ESRP1: variants seen among roughly 807,000 people sequenced by gnomAD.
The protein encoded by ESRP1 is epithelial splicing regulatory protein 1.
ESRP1 carries 33 observed loss-of-function variants against 81.7 expected under a neutral mutation model. That is an observed-to-expected ratio of 0.40 (90% CI 0.31 to 0.54). ESRP1 has a LOEUF of 0.54. Ranked by LOEUF, ESRP1 falls within the 20% of genes least tolerant of loss-of-function variation. The pLI is 0.41. For synonymous variants in ESRP1, 320 were observed against 303.3 expected (o/e 1.06, Z -0.57); for missense variants, 672 against 833.1 (o/e 0.81, Z 2.38).
intron 15 of ESRP1, among the ~76,000 whole-genome samples, chr8:94,703,659 C>T (rs1039472574): frequency 3.3e-5 from 5 of 152,086 alleles, no homozygotes; most frequent in Admixed American, 6.6e-5. Context: ...CTGACAGTCC[C>T]AGGGTTGACT....
chr8:94,703,057 T>C (rs151096151), intron 15 of ESRP1, among the ~76,000 whole-genome samples: 1 of 152,130 alleles, frequency 6.6e-6, no homozygotes, highest in African/African-American at 2.4e-5. Flanking sequence ...TCAACTTTGT[T>C]TGCTATAGCT....
intron 4 of ESRP1, among the ~76,000 whole-genome samples, chr8:94,648,616 T>G (rs1209087759): frequency 6.6e-6 from 1 of 152,230 alleles, no homozygotes; most frequent in Non-Finnish European, 1.5e-5. Context: ...CTGTAGTCAT[T>G]AAACATTCTT....
At chr8:94,671,028 A>C (rs1221336694) in intron 10 of ESRP1, among the ~76,000 whole-genome samples, 1 of 152,188 alleles carries the variant, frequency 6.6e-6, no homozygotes, top group Non-Finnish European at 1.5e-5. Flanking sequence ...CTGTGTACTT[A>C]GTGAAATGAT....
chr8:94,702,830 G>A (rs1809891968), intron 15 of ESRP1, among the ~76,000 whole-genome samples: 1 of 152,116 alleles, frequency 6.6e-6, no homozygotes, highest in Non-Finnish European at 1.5e-5. Context: ...GAGATTATAG[G>A]TGTTCTCCAC....
At chr8:94,682,538 T>C (rs1808931039) in intron 13 of ESRP1, among the ~76,000 whole-genome samples, 1 of 151,798 alleles carries the variant, frequency 6.6e-6, no homozygotes, top group Admixed American at 6.6e-5. Context: ...GGCTAATTTT[T>C]TGACTTTTTG....
chr8:94,656,705 A>C (rs182421299), intron 4 of ESRP1, among the ~76,000 whole-genome samples: 1 of 152,378 alleles, frequency 6.6e-6, no homozygotes, highest in East Asian at 1.9e-4. Flanking sequence ...ACAATAAATG[A>C]AAGTAAACAA....
chr8:94,643,225 T>A (rs1157453715), intron 2 of ESRP1, 78 bp from the exon 3 acceptor site: 1 of 990,688 alleles, frequency 1.0e-6, no homozygotes, highest in African/African-American at 1.6e-5. Flanking sequence ...TTTCTCTGGC[T>A]ATCACCAAGG....
chr8:94,674,509 A>C lies in ESRP1; in HGVS notation c.1651+3A>C. The C allele has an allele frequency of 6.2e-7, 1 of 1,611,246 alleles. No individual in the cohort carries two copies. Among genetic ancestry groups the C allele is most frequent in the Non-Finnish European group, 8.5e-7 (1 of 1,178,700 alleles). On this transcript the variant is annotated splice_donor_region_variant and intron_variant, in intron 12 of 15. Coordinates refer to ENST00000433389, the MANE Select transcript of ESRP1 (RefSeq NM_017697.4). ...CCCACCGCCATGTAAGTTACCATGT[A>C]AGTTTTTCTTGGGTCTTGGCGCTAT...
chr8:94,680,589 G>A (rs1417915264), intron 13 of ESRP1, among the ~76,000 whole-genome samples: 2 of 152,066 alleles, frequency 1.3e-5, no homozygotes, highest in Non-Finnish European at 2.9e-5. Flanking sequence ...CACCATGCCC[G>A]GCTAATTTTA....
At chr8:94,674,265 G>A (rs374143258) in intron 11 of ESRP1, 43 bp from the exon 12 acceptor site, 1 of 1,580,382 alleles carries the variant, frequency 6.3e-7, no homozygotes, top group Admixed American at 1.9e-5. Context: ...CTTGTTGAAG[G>A]AGACAGTCTC....
intron 4 of ESRP1, among the ~76,000 whole-genome samples, chr8:94,652,476 G>C (rs1300188710): frequency 6.9e-6 from 1 of 144,508 alleles, no homozygotes; most frequent in African/African-American, 2.7e-5. Context: ...GGGGGCTTCT[G>C]TGGTTTTTTT....
chr8:94,681,469 C>A (rs560980071), intron 13 of ESRP1, among the ~76,000 whole-genome samples: 3 of 151,042 alleles, frequency 2.0e-5, no homozygotes, highest in Non-Finnish European at 4.4e-5. Flanking sequence ...GAAACTCCAT[C>A]TACTAAAAAA....
At chr8:94,678,903 G>C (rs1483945501) in intron 13 of ESRP1, among the ~76,000 whole-genome samples, 1 of 152,124 alleles carries the variant, frequency 6.6e-6, no homozygotes, top group Non-Finnish European at 1.5e-5. Flanking sequence ...TTTTAGTTGT[G>C]TTCAATTTCT....
At chr8:94,697,664 A>G (rs982783486) in intron 15 of ESRP1, among the ~76,000 whole-genome samples, 1 of 152,246 alleles carries the variant, frequency 6.6e-6, no homozygotes, top group African/African-American at 2.4e-5. Context: ...GCACTCATGT[A>G]TAATTATTTG....
At position 94,678,340 on chromosome 8, in the gene ESRP1, C is replaced by T; in HGVS notation, c.1789C>T (p.Leu597Phe). The change falls in exon 13 of 16, where the codon CTC becomes TTC. Residue 597 changes from leucine to phenylalanine, a missense_variant. Leu to Phe is a conservative substitution (Grantham distance 22, BLOSUM62 0). Transcript: ENST00000433389. The part of the protein sequence containing the change: ...STAYYPAGTQ[L>F]FMNYTAYYPS... ...AGCGTACTACCCAGCAGGCACTCAG[C>T]TCTTCATGAATTACACAGCGTACTA... 1 of 1,613,960 alleles carries T rather than the reference C, an allele frequency of 6.2e-7. No homozygotes were observed. The highest frequency in any genetic ancestry group is 1.1e-5 in the South Asian group (1 of 91,074).
At chr8:94,652,010 T>TTTTTTTA (rs1216503816) in intron 4 of ESRP1, among the ~76,000 whole-genome samples, 2 of 141,356 alleles carry the variant, frequency 1.4e-5, no homozygotes, top group African/African-American at 2.9e-5. Flanking sequence ...TTTTTTTTTT[T>TTTTTTTA]GACAGAGTTT....
intron 13 of ESRP1, among the ~76,000 whole-genome samples, chr8:94,681,349 A>AAAAAAC (rs1808875588): frequency 6.8e-6 from 1 of 146,030 alleles, no homozygotes; most frequent in Non-Finnish European, 1.5e-5. Context: ...AAAAAAAAAA[A>AAAAAAC]AAAACTGGCT....
chr8:94,654,919 CAAA>C (rs570390350), intron 4 of ESRP1, among the ~76,000 whole-genome samples: 2 of 109,772 alleles, frequency 1.8e-5, no homozygotes, highest in African/African-American at 3.6e-5. Flanking sequence ...GATCCTGCCT[CAAA>C]AAAAAAAAAA....
chr8:94,682,249 A>G (rs1214942308), intron 13 of ESRP1, among the ~76,000 whole-genome samples: 1 of 152,194 alleles, frequency 6.6e-6, no homozygotes, highest in African/African-American at 2.4e-5. Context: ...TCTCCTTTGC[A>G]TCAAAGCTGT....
Sources: allele counts gnomAD v4.1 joint callset (sites outside exome capture counted in the v4.1 genomes callset), GRCh38; gene constraint gnomAD v4.1.1; transcripts MANE v1.5; gene names NCBI Gene and HGNC (gene_info 2026-07-23, HGNC 2026-07-21).